The following MYO3B variants were observed in gnomAD, a reference collection of about 807,000 sequenced individuals.
The protein encoded by MYO3B is myosin-IIIb.
MYO3B carries 156 observed loss-of-function variants against 174.6 expected under a neutral mutation model. The ratio of observed to expected loss-of-function variants is 0.89; its 90% confidence interval spans 0.78 to 1.02. The LOEUF (loss-of-function observed/expected upper bound fraction) is 1.02, where lower values mean the gene tolerates loss of function less well. Among genes scored for constraint, MYO3B ranks in the 50% least tolerant of loss-of-function variants. The pLI is 0.00. For synonymous variants in MYO3B, 563 were observed against 569.1 expected (o/e 0.99, Z 0.15); for missense variants, 1,632 against 1,639.4 (o/e 1.00, Z 0.08).
chr2:170,555,274 C>A (rs1421117179), intron 32 of MYO3B, among the ~76,000 whole-genome samples: 1 of 152,028 alleles, frequency 6.6e-6, no homozygotes, highest in East Asian at 1.9e-4. Flanking sequence ...CATATTGATA[C>A]ACTATTATTA....
intron 7 of MYO3B, among the ~76,000 whole-genome samples, chr2:170,260,267 A>G (rs2093335697): frequency 6.6e-6 from 1 of 152,240 alleles, no homozygotes; most frequent in South Asian, 2.1e-4. Context: ...ATGTGCATGT[A>G]TGTTAATTGC....
intron 25 of MYO3B, among the ~76,000 whole-genome samples, chr2:170,467,947 T>A (rs1187925192): frequency 2.6e-5 from 4 of 151,586 alleles, no homozygotes; most frequent in African/African-American, 7.3e-5. Context: ...AGAAAAAAAA[T>A]TTAGCACATG....
intron 3 of MYO3B, among the ~76,000 whole-genome samples, chr2:170,202,415 CCAAT>C (rs759433378): frequency 2.0e-4 from 31 of 152,102 alleles, no homozygotes; most frequent in Non-Finnish European, 4.1e-4. Context: ...TTCAGTGCCT[CCAAT>C]AGTCTTAGGG....
intron 19 of MYO3B, 99 bp from the exon 20 acceptor site, chr2:170,404,148 C>A: frequency 1.7e-6 from 2 of 1,147,766 alleles, no homozygotes; most frequent in Non-Finnish European, 2.5e-6. Context: ...TTTCCACATG[C>A]ATTCAATGTT....
intron 3 of MYO3B, among the ~76,000 whole-genome samples, chr2:170,212,780 C>T (rs2092786363): frequency 6.6e-6 from 1 of 152,192 alleles, no homozygotes; most frequent in African/African-American, 2.4e-5. Flanking sequence ...TGGCTCCACC[C>T]ATTTCCCCCA....
rs756503466 is a variant in MYO3B, at chr2:170,245,354, A to C, written c.749+9218A>C. On this transcript the variant is annotated intron_variant, in intron 7 of 34. Coordinates refer to ENST00000408978, the MANE Select transcript of MYO3B (RefSeq NM_138995.5). ...ATGAATTATTTGTAGCTGTAAGCCCAATGGGGGGATCAAACAGTAAGACCA... is the reference window on the plus strand; with the variant it reads ...ATGAATTATTTGTAGCTGTAAGCCCCATGGGGGGATCAAACAGTAAGACCA... 5.3e-5 allele frequency among the ~76,000 whole-genome samples: 8 copies of C among 152,176 alleles called. 1 individual carries two copies. The highest frequency in any genetic ancestry group is 7.4e-5 in the Non-Finnish European group (5 of 68,026).
chr2:170,407,189 C>A (rs181514294), intron 21 of MYO3B, among the ~76,000 whole-genome samples: 19 of 152,240 alleles, frequency 1.2e-4, no homozygotes, highest in African/African-American at 2.6e-4. Flanking sequence ...AGGCCAGGTG[C>A]GGTGGCTAAC....
At position 170,404,301 on chromosome 2, in the gene MYO3B, C is replaced by T. The variant is rs371579684; in HGVS notation, c.2332C>T (p.Arg778Cys). Residue 778 changes from arginine to cysteine, a missense_variant, in exon 20 of 35, where the codon CGC becomes TGC. Coordinates refer to ENST00000408978, the MANE Select transcript of MYO3B (RefSeq NM_138995.5). ...TGTACCCGTGGAATATGAGGACAAC[C>T]GCCCGCTCTTGGACATGTTCCTCCA... ...DAVPVEYEDN[R>C]PLLDMFLQKP... The T allele has an allele frequency of 7.6e-5, 123 of 1,613,488 alleles. 1 individual carries two copies. Among genetic ancestry groups the T allele is most frequent in the South Asian group, 2.7e-4 (25 of 91,010 alleles).
At position 170,392,363 on chromosome 2, in the gene MYO3B, A is replaced by G; in HGVS notation, c.1677-18A>G. On this transcript the variant is annotated intron_variant, in intron 15 of 34. Coordinates refer to ENST00000408978, the MANE Select transcript of MYO3B (RefSeq NM_138995.5). ...AAGTCAGTGCTCATTCTGTTTGGTC[A>G]TGCTCCACTTCATTTAGGTACATAG... is the stretch of plus-strand genomic sequence containing the variant. 1 of 1,547,694 alleles carries G rather than the reference A, an allele frequency of 6.5e-7. No homozygotes were observed. Among genetic ancestry groups the G allele is most frequent in the South Asian group, 1.2e-5 (1 of 83,690 alleles).
chr2:170,401,858 A>C (rs2094479450), intron 18 of MYO3B, among the ~76,000 whole-genome samples, 167 bp downstream of exon 18: 1 of 144,568 alleles, frequency 6.9e-6, no homozygotes, highest in Non-Finnish European at 1.5e-5. Flanking sequence ...GCCGGAGTGC[A>C]GTGGCACGAT....
Position 170,382,017 on chromosome 2 carries a change from C to T in MYO3B, c.973C>T (p.His325Tyr), listed in dbSNP as rs773804372. ...KHQNPVAKTRHERMHTRRPYH... is the reference protein window; with the variant it reads ...KHQNPVAKTRYERMHTRRPYH... The stretch of plus-strand genomic sequence containing the variant: ...TAAACTCTCTTGATAAATTTCTAGG[C>T]ATGAGAGGATGCATACCAGAAGACC... The change falls in exon 10 of 35, where the codon CAT (histidine) becomes TAT (tyrosine). Residue 325 changes from histidine (H) to tyrosine (Y), a missense_variant and splice_region_variant. By Grantham distance (83) the His-to-Tyr change is moderately conservative. Coordinates refer to ENST00000408978, the MANE Select transcript of MYO3B (RefSeq NM_138995.5). 6.8e-6 allele frequency: 11 copies of T among 1,610,940 alleles called. No individual in the cohort carries two copies. In the Admixed American group the frequency reaches 1.7e-4, roughly 24 times the overall value.
chr2:170,493,650 C>T (rs375796197), intron 25 of MYO3B, among the ~76,000 whole-genome samples: 6 of 152,164 alleles, frequency 3.9e-5, no homozygotes, highest in Non-Finnish European at 7.4e-5. Context: ...TCTAAGGAAT[C>T]GAAGAATATA....
At chr2:170,223,393 AC>A (rs2092921304) in intron 6 of MYO3B, among the ~76,000 whole-genome samples, 2 of 152,216 alleles carry the variant, frequency 1.3e-5, no homozygotes, top group Non-Finnish European at 2.9e-5. Context: ...TAGAATTTTT[AC>A]AAATAGTATT....
At chr2:170,393,628 C>T (rs1404610307) in intron 16 of MYO3B, among the ~76,000 whole-genome samples, 2 of 152,186 alleles carry the variant, frequency 1.3e-5, no homozygotes, top group African/African-American at 4.8e-5. Context: ...TTACAAGACA[C>T]TCCAGTTACC....
chr2:170,578,447 AAAC>A (rs1692930197), intron 32 of MYO3B, among the ~76,000 whole-genome samples: 1 of 152,260 alleles, frequency 6.6e-6, no homozygotes, highest in African/African-American at 2.4e-5. Flanking sequence ...ACTTTGTTTT[AAAC>A]AAACCATATC....
At chr2:170,326,010 T>C (rs1468446570) in intron 7 of MYO3B, among the ~76,000 whole-genome samples, 1 of 152,200 alleles carries the variant, frequency 6.6e-6, no homozygotes, top group Non-Finnish European at 1.5e-5. Flanking sequence ...AAACAACTCT[T>C]TTAAAATAAC....
intron 28 of MYO3B, among the ~76,000 whole-genome samples, chr2:170,514,436 G>A (rs1356549115): frequency 6.6e-6 from 1 of 152,192 alleles, no homozygotes; most frequent in East Asian, 1.9e-4. Flanking sequence ...TCACAGGAAG[G>A]GAGGGGCACT....
At chr2:170,631,349 A>T (rs1416263039) in intron 32 of MYO3B, among the ~76,000 whole-genome samples, 1 of 151,696 alleles carries the variant, frequency 6.6e-6, no homozygotes, top group Admixed American at 6.6e-5. Context: ...AAGTTTAGAG[A>T]AAAAAGAATA....
At chr2:170,333,605 CA>C (rs2093926948) in intron 7 of MYO3B, among the ~76,000 whole-genome samples, 1 of 152,108 alleles carries the variant, frequency 6.6e-6, no homozygotes, top group Non-Finnish European at 1.5e-5. Context: ...CTAGCCTCAA[CA>C]AATTAGGTTT....
Sources: gnomAD v4.1 joint callset for allele counts (sites outside exome capture counted in the v4.1 genomes callset) on GRCh38, gnomAD v4.1.1 for gene constraint, MANE v1.5 for transcripts, NCBI Gene and HGNC (gene_info 2026-07-23, HGNC 2026-07-21) for gene names.